PTPRD: variants seen among roughly 807,000 people sequenced by gnomAD.
The protein encoded by PTPRD is protein tyrosine phosphatase receptor type D, also known as receptor-type tyrosine-protein phosphatase delta.
Under a neutral mutation model 214.5 loss-of-function variants are expected in PTPRD, and 34 were observed. That is an observed-to-expected ratio of 0.16 (90% CI 0.12 to 0.21). PTPRD has a LOEUF of 0.21. Among genes scored for constraint, PTPRD ranks in the 10% least tolerant of loss-of-function variants. The pLI is 1.00. For synonymous variants in PTPRD, 1,128 were observed against 845.7 expected (o/e 1.33, Z -5.79); for missense variants, 2,545 against 2,398.7 (o/e 1.06, Z -1.27).
chr9:8,745,784 T>TTCTCTCTCTC (rs60391748), intron 11 of PTPRD, among the ~76,000 whole-genome samples: 3 of 148,714 alleles, frequency 2.0e-5, no homozygotes, highest in African/African-American at 7.5e-5. Flanking sequence ...TTTATGGAGT[T>TTCTCTCTCTC]TCTCTCTCTC....
chr9:8,327,979 A>AGTGT (rs1835696686), intron 44 of PTPRD, among the ~76,000 whole-genome samples: 1 of 148,060 alleles, frequency 6.8e-6, no homozygotes, highest in Non-Finnish European at 1.5e-5. Context: ...CCAATTGGCC[A>AGTGT]GTGTGTGTCT....
At chr9:9,800,824 TATA>T (rs1470498634) in intron 5 of PTPRD, 1 of 152,206 alleles carries the variant, frequency 6.6e-6, no homozygotes, top group East Asian at 1.9e-4. Flanking sequence ...TAGCAGTACC[TATA>T]ATAAGCAATT....
chr9:9,316,057 C>CACTAAA (rs1962845346), intron 9 of PTPRD, among the ~76,000 whole-genome samples: 1 of 151,764 alleles, frequency 6.6e-6, no homozygotes. Flanking sequence ...ACATGCCTGT[C>CACTAAA]CATAGAATCC....
At chr9:8,695,881 G>A (rs548764130) in intron 12 of PTPRD, among the ~76,000 whole-genome samples, 29 of 152,284 alleles carry the variant, frequency 1.9e-4, no homozygotes, top group African/African-American at 7.0e-4. Flanking sequence ...AGTGGTACAC[G>A]CACAATCATT....
intron 5 of PTPRD, among the ~76,000 whole-genome samples, chr9:9,828,470 G>C (rs1233526529): frequency 1.3e-5 from 2 of 152,098 alleles, no homozygotes; most frequent in African/African-American, 4.8e-5. Context: ...ATGGACACAG[G>C]AAGGGGAACA....
At chr9:10,193,200 C>G (rs1029070058) in intron 3 of PTPRD, among the ~76,000 whole-genome samples, 2 of 150,318 alleles carry the variant, frequency 1.3e-5, no homozygotes, top group Non-Finnish European at 3.0e-5. Flanking sequence ...TTTTTTTTTC[C>G]TTTTTAAACT....
At chr9:10,446,260 G>C (rs1458226545) in intron 2 of PTPRD, among the ~76,000 whole-genome samples, 2 of 151,818 alleles carry the variant, frequency 1.3e-5, no homozygotes, top group Non-Finnish European at 2.9e-5. Flanking sequence ...TATGTTGAGA[G>C]GAAAGAAGTG....
chr9:8,446,977 C>T (rs2133272882), intron 34 of PTPRD, among the ~76,000 whole-genome samples: 1 of 152,316 alleles, frequency 6.6e-6, no homozygotes, highest in Middle Eastern at 3.4e-3. Flanking sequence ...GGTCACATCT[C>T]TATGAATTTC....
At chr9:9,110,315 A>G (rs961210877) in intron 10 of PTPRD, among the ~76,000 whole-genome samples, 2 of 152,088 alleles carry the variant, frequency 1.3e-5, no homozygotes, top group African/African-American at 4.8e-5. Context: ...CAACTTCAAC[A>G]TCATCTGGGA....
chr9:10,141,659 G>T (rs1352331343), intron 3 of PTPRD, among the ~76,000 whole-genome samples: 2 of 151,970 alleles, frequency 1.3e-5, no homozygotes, highest in Non-Finnish European at 2.9e-5. Context: ...TCAATATCGT[G>T]AAAATGGCCA....
chr9:9,186,374 C>G (rs1303684539), intron 9 of PTPRD, among the ~76,000 whole-genome samples: 1 of 152,032 alleles, frequency 6.6e-6, no homozygotes, highest in African/African-American at 2.4e-5. Flanking sequence ...GGGGCACAAT[C>G]TGACCAGATA....
intron 2 of PTPRD, among the ~76,000 whole-genome samples, chr9:10,462,612 T>C (rs2098966875): frequency 6.6e-6 from 1 of 151,918 alleles, no homozygotes; most frequent in African/African-American, 2.4e-5. Flanking sequence ...TTTGTCTGGA[T>C]AAGAGTAAGA....
At chr9:8,716,314 G>T (rs1210299814) in intron 12 of PTPRD, among the ~76,000 whole-genome samples, 1 of 152,156 alleles carries the variant, frequency 6.6e-6, no homozygotes. Flanking sequence ...ACATTCACTA[G>T]AAGTATCTAT....
At chr9:8,485,692 C>A (rs1293077075) in intron 28 of PTPRD, 70 bp downstream of exon 28, 2 of 1,350,986 alleles carry the variant, frequency 1.5e-6, no homozygotes, top group East Asian at 2.4e-5. Flanking sequence ...GTTATTATAG[C>A]TTCAAAATAC....
chr9:9,513,173 T>C (rs2096750734), intron 8 of PTPRD, among the ~76,000 whole-genome samples: 1 of 151,908 alleles, frequency 6.6e-6, no homozygotes, highest in Non-Finnish European at 1.5e-5. Flanking sequence ...GCCACAGTCT[T>C]TTCAAGGGAT....
intron 8 of PTPRD, among the ~76,000 whole-genome samples, chr9:9,520,053 T>C (rs1437371117): frequency 2.0e-5 from 3 of 151,996 alleles, no homozygotes; most frequent in Non-Finnish European, 1.5e-5. Flanking sequence ...AAAACATTGG[T>C]AGTTCAAATA....
chr9:9,265,036 A>G (rs1283094079), intron 9 of PTPRD, among the ~76,000 whole-genome samples: 5 of 151,782 alleles, frequency 3.3e-5, no homozygotes, highest in Admixed American at 3.3e-4. Context: ...AAGAAATGCT[A>G]AAGCATATTC....
chr9:10,096,162 T>C (rs1440772049), intron 3 of PTPRD, among the ~76,000 whole-genome samples: 1 of 151,682 alleles, frequency 6.6e-6, no homozygotes, highest in African/African-American at 2.4e-5. Context: ...AATAATGTTA[T>C]TTCTTCTACG....
chr9:10,470,383 A>G (rs1313458406), intron 2 of PTPRD, among the ~76,000 whole-genome samples: 1 of 152,204 alleles, frequency 6.6e-6, no homozygotes, highest in African/African-American at 2.4e-5. Flanking sequence ...AGATAAAATT[A>G]TCATAGTAAA....
Sources: allele counts gnomAD v4.1 joint callset (sites outside exome capture counted in the v4.1 genomes callset), GRCh38; gene constraint gnomAD v4.1.1; transcripts MANE v1.5; gene names NCBI Gene and HGNC (gene_info 2026-07-23, HGNC 2026-07-21).